The following GRID2 variants were observed in gnomAD, a reference collection of about 807,000 sequenced individuals.
GRID2 encodes glutamate receptor ionotropic, delta-2.
In GRID2, 33 loss-of-function variants were observed where a neutral mutation model predicts 114.8. That is an observed-to-expected ratio of 0.29 (90% CI 0.22 to 0.38). GRID2 has a LOEUF of 0.38. Ranked by LOEUF, GRID2 falls within the 10% of genes least tolerant of loss-of-function variation. The probability of loss-of-function intolerance (pLI) is 1.00; values close to 1 mark genes in which losing one functional copy is unlikely to be tolerated. For missense variants in GRID2, 1,184 were observed against 1,257.7 expected (o/e 0.94, Z 0.89); for synonymous variants, 505 against 449.9 (o/e 1.12, Z -1.55).
At chr4:93,463,097 C>A (rs1023719592) in intron 11 of GRID2, among the ~76,000 whole-genome samples, 1 of 152,150 alleles carries the variant, frequency 6.6e-6, no homozygotes, top group Non-Finnish European at 1.5e-5. Flanking sequence ...AAAATGCATT[C>A]TGAGTGCTGT....
Position 92,941,619 on chromosome 4 carries a change from T to C in GRID2, c.245-143376T>C, listed in dbSNP as rs190955020. Among the ~76,000 whole-genome samples, 3 of 152,310 alleles carry C rather than the reference T, an allele frequency of 2.0e-5. No homozygotes were observed. The East Asian group carries it at 5.8e-4, about 29-fold the overall frequency. On this transcript the variant is annotated intron_variant, in intron 2 of 15. Transcript: ENST00000282020. ...TTCTTGTCTTCTGCTAGCTTTTGAATGTGTTTGCTCTTGCTTCTCCAGTTC... is the reference window on the plus strand; with the variant it reads ...TTCTTGTCTTCTGCTAGCTTTTGAACGTGTTTGCTCTTGCTTCTCCAGTTC...
At chr4:93,180,921 T>G (rs1177173457) in intron 4 of GRID2, among the ~76,000 whole-genome samples, 1 of 152,142 alleles carries the variant, frequency 6.6e-6, no homozygotes, top group East Asian at 1.9e-4. Context: ...AGTGCTGAAA[T>G]TTACTTCTTC....
intron 2 of GRID2, among the ~76,000 whole-genome samples, chr4:93,038,510 G>A (rs770970375): frequency 2.4e-4 from 37 of 152,206 alleles, no homozygotes; most frequent in Non-Finnish European, 4.3e-4. Context: ...CAGGAAACAG[G>A]CCAGGTGTGG....
At chr4:92,920,756 C>G (rs1213956762) in intron 2 of GRID2, among the ~76,000 whole-genome samples, 2 of 152,172 alleles carry the variant, frequency 1.3e-5, no homozygotes, top group Admixed American at 1.3e-4. Context: ...GGTAACTCGA[C>G]CTTTCTCTCT....
chr4:92,548,421 A>T (rs1259167842), intron 1 of GRID2, among the ~76,000 whole-genome samples: 1 of 1,704 alleles, frequency 5.9e-4, no homozygotes, highest in Non-Finnish European at 1.7e-3. Context: ...TTTTTTTTTG[A>T]GACAGAGTCT....
chr4:93,448,084 A>G (rs137937961), intron 10 of GRID2, among the ~76,000 whole-genome samples: 44 of 152,040 alleles, frequency 2.9e-4, no homozygotes, highest in African/African-American at 8.9e-4. Flanking sequence ...GGAGACATGG[A>G]TTAGATAATA....
intron 8 of GRID2, among the ~76,000 whole-genome samples, chr4:93,378,249 T>G (rs1763548869): frequency 6.6e-6 from 1 of 152,128 alleles, no homozygotes; most frequent in Non-Finnish European, 1.5e-5. Context: ...ATTCTTAAAC[T>G]TAAATTTAGA....
At position 93,609,138 on chromosome 4, in the gene GRID2, C is replaced by T. The variant is rs979348525; in HGVS notation, c.2194-17131C>T. On this transcript the variant is annotated intron_variant, in intron 13 of 15. Coordinates refer to ENST00000282020, the MANE Select transcript of GRID2 (RefSeq NM_001510.4). ...TTGAGAAGTGTCTGTTCATGTCCTT[C>T]GCCCACTTTTTGATGGGATTGTTTG... Among the ~76,000 whole-genome samples, 24 of 109,906 alleles carry T rather than the reference C, an allele frequency of 2.2e-4. 1 individual carries two copies. Among genetic ancestry groups the T allele is most frequent in the East Asian group, 6.4e-4 (3 of 4,680 alleles). 72.1% of individuals were successfully genotyped at this position (109,906 alleles called of 152,430 possible).
chr4:92,481,982 A>AT (rs1722620820), intron 1 of GRID2, among the ~76,000 whole-genome samples: 1 of 5,684 alleles, frequency 1.8e-4, no homozygotes, highest in South Asian at 7.0e-3. Flanking sequence ...ATAAAATGTG[A>AT]TATATATATA....
intron 14 of GRID2, among the ~76,000 whole-genome samples, chr4:93,700,015 A>T (rs971084298): frequency 6.6e-6 from 1 of 152,166 alleles, no homozygotes; most frequent in African/African-American, 2.4e-5. Flanking sequence ...TGTATGACAC[A>T]GTGGAGGCCA....
intron 2 of GRID2, among the ~76,000 whole-genome samples, chr4:92,955,782 T>C (rs901404279): frequency 1.3e-5 from 2 of 152,188 alleles, no homozygotes; most frequent in Admixed American, 6.5e-5. Context: ...CCATTTTGAA[T>C]TGATTTTTGT....
chr4:92,957,242 G>A (rs1234426902), intron 2 of GRID2, among the ~76,000 whole-genome samples: 1 of 151,962 alleles, frequency 6.6e-6, no homozygotes. Flanking sequence ...AAGGTCATAT[G>A]ATTTTTTTTT....
chr4:92,834,550 A>G (rs1742324935), intron 2 of GRID2, among the ~76,000 whole-genome samples: 1 of 152,164 alleles, frequency 6.6e-6, no homozygotes, highest in Non-Finnish European at 1.5e-5. Flanking sequence ...TTATGAGCCA[A>G]GCACTGCATT....
At chr4:92,974,655 AG>A (rs1315301779) in intron 2 of GRID2, among the ~76,000 whole-genome samples, 1 of 151,710 alleles carries the variant, frequency 6.6e-6, no homozygotes, top group Non-Finnish European at 1.5e-5. Flanking sequence ...GGACACAGGA[AG>A]GGAAACATCA....
At chr4:92,744,202 T>A (rs1737033559) in intron 2 of GRID2, among the ~76,000 whole-genome samples, 1 of 152,096 alleles carries the variant, frequency 6.6e-6, no homozygotes, top group Non-Finnish European at 1.5e-5. Context: ...GCTTTTAAGA[T>A]ATTCAGAGGG....
chr4:93,697,867 G>A (rs28667015), intron 14 of GRID2, among the ~76,000 whole-genome samples: 20,426 of 80,704 alleles, frequency 0.25, 3,316 homozygotes, highest in African/African-American at 0.48. Flanking sequence ...TCCACAATGT[G>A]TGTATATATA....
chr4:93,058,587 C>T (rs1011888660), intron 2 of GRID2, among the ~76,000 whole-genome samples: 2 of 151,686 alleles, frequency 1.3e-5, no homozygotes, highest in African/African-American at 2.4e-5. Context: ...CTATGTGTGC[C>T]GTTATTGCTT....
chr4:92,738,865 C>T (rs1362946876), intron 2 of GRID2, among the ~76,000 whole-genome samples: 1 of 152,106 alleles, frequency 6.6e-6, no homozygotes, highest in African/African-American at 2.4e-5. Flanking sequence ...TTGTTAACAT[C>T]TCTATGTTGC....
intron 13 of GRID2, among the ~76,000 whole-genome samples, chr4:93,547,707 C>T (rs1168913795): frequency 1.3e-5 from 2 of 152,124 alleles, no homozygotes; most frequent in Non-Finnish European, 2.9e-5. Context: ...CTCTTACATC[C>T]AGAAAGTGGT....
Sources: gnomAD v4.1 joint callset for allele counts (sites outside exome capture counted in the v4.1 genomes callset) on GRCh38, gnomAD v4.1.1 for gene constraint, MANE v1.5 for transcripts, NCBI Gene and HGNC (gene_info 2026-07-23, HGNC 2026-07-21) for gene names.